NDRG3: variants seen among roughly 807,000 people sequenced by gnomAD.
NDRG3 encodes NDRG family member 3.
Under a neutral mutation model 57.2 loss-of-function variants are expected in NDRG3, and 23 were observed. That is an observed-to-expected ratio of 0.40 (90% CI 0.29 to 0.57). The LOEUF (loss-of-function observed/expected upper bound fraction) is 0.57. Among genes scored for constraint, NDRG3 ranks in the 20% least tolerant of loss-of-function variants. NDRG3 has a pLI of 0.42. For synonymous variants in NDRG3, 132 were observed against 162.6 expected, an observed-to-expected ratio of 0.81 and a Z score of 1.43; for missense variants, 384 against 457.3, an observed-to-expected ratio of 0.84 and a Z score of 1.46.
At chr20:36,744,532 G>A (rs1177773754) in intron 1 of NDRG3, among the ~76,000 whole-genome samples, 1 of 151,686 alleles carries the variant, frequency 6.6e-6, no homozygotes, top group South Asian at 2.1e-4. Context: ...TTGTGAACGT[G>A]TAATTCTAAT....
intron 1 of NDRG3, among the ~76,000 whole-genome samples, chr20:36,726,916 T>TC (rs1246742820): frequency 6.8e-6 from 1 of 147,854 alleles, no homozygotes; most frequent in Non-Finnish European, 1.5e-5. Flanking sequence ...CTTTCTTTCT[T>TC]TTTTTTTTTT....
intron 1 of NDRG3, among the ~76,000 whole-genome samples, chr20:36,723,400 G>GCAT: frequency 6.6e-6 from 1 of 152,110 alleles, no homozygotes; most frequent in East Asian, 1.9e-4. Flanking sequence ...AAAGCTTCAG[G>GCAT]CATCATCCTT....
chr20:36,674,202 C>A (rs1357622617), intron 8 of NDRG3, among the ~76,000 whole-genome samples: 1 of 151,906 alleles, frequency 6.6e-6, no homozygotes, highest in Non-Finnish European at 1.5e-5. Flanking sequence ...CTCTTTAAAT[C>A]TTTTTTTTCT....
intron 3 of NDRG3, among the ~76,000 whole-genome samples, chr20:36,706,392 A>G (rs1352585606): frequency 1.3e-5 from 2 of 152,196 alleles, no homozygotes; most frequent in African/African-American, 4.8e-5. Flanking sequence ...TTCCAATATC[A>G]TGTGAGGAAA....
chr20:36,707,218 T>A (rs1983597820), intron 2 of NDRG3, among the ~76,000 whole-genome samples: 1 of 152,192 alleles, frequency 6.6e-6, no homozygotes, highest in South Asian at 2.1e-4. Context: ...TATGCTTTAG[T>A]GGGCTTATGA....
chr20:36,719,314 C>G (rs780262706), intron 2 of NDRG3, among the ~76,000 whole-genome samples: 2 of 151,410 alleles, frequency 1.3e-5, no homozygotes, highest in Non-Finnish European at 2.9e-5. Context: ...GTAGTCCCAG[C>G]TACTTGGGAG....
intron 15 of NDRG3, among the ~76,000 whole-genome samples, chr20:36,654,026 AG>A (rs1978437269): frequency 6.6e-6 from 1 of 152,240 alleles, no homozygotes; most frequent in Admixed American, 6.5e-5. Context: ...GAACCCAAAC[AG>A]GTAACCAAAA....
chr20:36,723,664 G>A (rs1318003595), intron 1 of NDRG3, among the ~76,000 whole-genome samples: 3 of 139,638 alleles, frequency 2.1e-5, no homozygotes, highest in African/African-American at 7.6e-5. Flanking sequence ...AGTCTAGTGT[G>A]TGTGTGTGTG....
At chr20:36,667,461 C>A (rs1297730845) in intron 9 of NDRG3, among the ~76,000 whole-genome samples, 1 of 152,036 alleles carries the variant, frequency 6.6e-6, no homozygotes, top group Non-Finnish European at 1.5e-5. Context: ...AATCTTATTA[C>A]CAATACTTTT....
intron 3 of NDRG3, among the ~76,000 whole-genome samples, chr20:36,704,743 A>T (rs1050601549): frequency 6.6e-6 from 1 of 152,234 alleles, no homozygotes; most frequent in Non-Finnish European, 1.5e-5. Flanking sequence ...TGTTCTATAT[A>T]CAAAGTACCA....
intron 3 of NDRG3, chr20:36,700,564 AGTAACGTGCTGTTGCTACCTTTTTGT>A: frequency 2.0e-6 from 1 of 508,292 alleles, no homozygotes; most frequent in Middle Eastern, 3.3e-4. Context: ...CACTGCAGGG[AGTAACGTGCTGTTGCTACCTTTTTGT>A]CTTAGTCAAT....
In NDRG3 at chr20:36,723,659, A is replaced by AATGTGT. The variant is rs74173994; in HGVS notation, c.-48-1877_-48-1876insACACAT. Among the ~76,000 whole-genome samples the AATGTGT allele has an allele frequency of 4.4e-3, 580 of 132,938 alleles. 3 individuals carry two copies. The highest frequency in any genetic ancestry group is 0.015 in the African/African-American group (545 of 35,320). The allele number at this position is 132,938 out of a possible 152,430, so 87.2% of individuals were successfully genotyped here. On this transcript the variant is annotated intron_variant, in intron 1 of 15. Transcript: ENST00000349004. ...GAAAGCCTTCAAAAGATATTAGTCT[A>AATGTGT]GTGTGTGTGTGTGTGTGTGTGTGTG...
At position 36,693,119 on chromosome 20, in the gene NDRG3, TATATATATATATATATATATATAC is replaced by T. The variant is rs1381393464; in HGVS notation, c.94-4359_94-4336del. Among the ~76,000 whole-genome samples, 277 of 53,194 alleles carry T rather than the reference TATATATATATATATATATATATAC, an allele frequency of 5.2e-3. 2 individuals carry two copies. Among genetic ancestry groups the T allele is most frequent in the South Asian group, 0.011 (17 of 1,500 alleles). The allele number at this position is 53,194 out of a possible 152,430, so 34.9% of individuals were successfully genotyped here. ...AAAAAAAAAAAAATATATATATATA[TATATATATATATATATATATATAC>T]ACACACACACATATACACATATATA... On this transcript the variant is annotated intron_variant, in intron 3 of 15. Coordinates refer to ENST00000349004, the MANE Select transcript of NDRG3 (RefSeq NM_032013.4).
intron 8 of NDRG3, among the ~76,000 whole-genome samples, chr20:36,679,537 CTT>C (rs1981061237): frequency 1.3e-5 from 2 of 149,338 alleles, no homozygotes; most frequent in East Asian, 2.0e-4. Context: ...GAGTTTCACT[CTT>C]GTCACCCAGG....
Position 36,652,905 on chromosome 20 carries a change from G to C in NDRG3, c.*615C>G, listed in dbSNP as rs1403655072. 4 of 152,296 alleles carry C rather than the reference G, an allele frequency of 2.6e-5. No individual in the cohort carries two copies. The highest frequency in any genetic ancestry group is 2.1e-4 in the South Asian group (1 of 4,832). 9.4% of individuals were successfully genotyped at this position (152,296 alleles called of 1,614,324 possible). ...CAGAAGGAGCCTCTCTATGTAACAG[G>C]CACCCTTCTGCTACTGGTCACAATC... On this transcript the variant is annotated 3_prime_UTR_variant, in exon 16 of 16. Coordinates refer to ENST00000349004, the MANE Select transcript of NDRG3 (RefSeq NM_032013.4).
At chr20:36,744,159 C>T (rs1050327277) in intron 1 of NDRG3, among the ~76,000 whole-genome samples, 6 of 152,124 alleles carry the variant, frequency 3.9e-5, no homozygotes, top group African/African-American at 1.4e-4. Context: ...ACCTCGGCCT[C>T]CCAAAGTGCT....
At chr20:36,737,831 G>T (rs1003660534) in intron 1 of NDRG3, among the ~76,000 whole-genome samples, 2 of 152,128 alleles carry the variant, frequency 1.3e-5, no homozygotes, top group Non-Finnish European at 2.9e-5. Flanking sequence ...TGTAATACCA[G>T]CACTTTGAGA....
At chr20:36,708,595 C>T (rs1316168350) in intron 2 of NDRG3, among the ~76,000 whole-genome samples, 5 of 149,432 alleles carry the variant, frequency 3.3e-5, no homozygotes, top group Non-Finnish European at 7.4e-5. Flanking sequence ...TTGCGGTGAG[C>T]CGATATTGAG....
intron 1 of NDRG3, among the ~76,000 whole-genome samples, chr20:36,744,292 A>ACT: frequency 6.6e-6 from 1 of 152,256 alleles, no homozygotes; most frequent in South Asian, 2.1e-4. Flanking sequence ...AATGGTGATG[A>ACT]CAAGTTTAAT....
Sources: gnomAD v4.1 joint callset for allele counts (sites outside exome capture counted in the v4.1 genomes callset) on GRCh38, gnomAD v4.1.1 for gene constraint, MANE v1.5 for transcripts, NCBI Gene and HGNC (gene_info 2026-07-23, HGNC 2026-07-21) for gene names.